Variants in XDH observed in about 807,000 individuals in gnomAD.
XDH encodes xanthine dehydrogenase/oxidase.
In XDH, 138 loss-of-function variants were observed where a neutral mutation model predicts 156.1. The observed-to-expected ratio is 0.88, with a 90% CI of 0.77 to 1.02. The LOEUF (loss-of-function observed/expected upper bound fraction) is 1.02. Among genes scored for constraint, XDH ranks in the 50% least tolerant of loss-of-function variants. The probability of loss-of-function intolerance (pLI) is 0.00; values close to 1 mark genes in which losing one functional copy is unlikely to be tolerated. For missense variants in XDH, 1,849 were observed against 1,684.9 expected (o/e 1.10, Z -1.71); for synonymous variants, 669 against 625.7 (o/e 1.07, Z -1.03).
At chr2:31,413,972 G>A (rs1291214135) in intron 1 of XDH, among the ~76,000 whole-genome samples, 2 of 152,040 alleles carry the variant, frequency 1.3e-5, no homozygotes. Flanking sequence ...GTACCAATAA[G>A]GTAAATTCAA....
chr2:31,386,788 A>G (rs1686608966), intron 8 of XDH, among the ~76,000 whole-genome samples: 1 of 152,034 alleles, frequency 6.6e-6, no homozygotes, highest in Non-Finnish European at 1.5e-5. Context: ...GTGAAAGAAG[A>G]TCCTGAGGGT....
chr2:31,413,928 G>A (rs977532875), intron 1 of XDH, among the ~76,000 whole-genome samples: 19 of 152,172 alleles, frequency 1.2e-4, no homozygotes, highest in African/African-American at 4.3e-4. Flanking sequence ...TTGTCCAAGG[G>A]CTGGTACCCA....
intron 6 of XDH, among the ~76,000 whole-genome samples, chr2:31,393,639 T>A (rs1328953143): frequency 6.6e-6 from 1 of 152,134 alleles, no homozygotes; most frequent in Non-Finnish European, 1.5e-5. Flanking sequence ...ATAGTTGGAT[T>A]AGTATCTACC....
At chr2:31,337,053 C>T (rs1262453989) in intron 35 of XDH, among the ~76,000 whole-genome samples, 3 of 151,736 alleles carry the variant, frequency 2.0e-5, no homozygotes, top group East Asian at 3.9e-4. Context: ...CCAATGACTA[C>T]GGAATTCTTC....
chr2:31,339,656 C>T lies in XDH; in HGVS notation c.3607G>A (p.Gly1203Ser). The change falls in exon 34 of 36, where the codon GGC (glycine) becomes AGC (serine). Residue 1203 changes from glycine (G) to serine (S), a missense_variant. By Grantham distance (56) the Gly-to-Ser change is moderately conservative. Coordinates refer to ENST00000379416, the MANE Select transcript of XDH (RefSeq NM_000379.4). ...IGQVEGAFVQ[G>S]LGLFTLEELH... ...TCCTCTAGGGTGAAGAGGCCAAGGC[C>T]CTGGACAAATGCCCCTTCCACCTGC... is the stretch of plus-strand genomic sequence containing the variant. 6.2e-7 allele frequency: 1 copy of T among 1,614,116 alleles called. No individual in the cohort carries two copies.
At chr2:31,410,407 A>T (rs185249013) in intron 1 of XDH, among the ~76,000 whole-genome samples, 3 of 152,352 alleles carry the variant, frequency 2.0e-5, no homozygotes, top group African/African-American at 2.4e-5. Flanking sequence ...AAAATTATTT[A>T]AAAAAAGAAT....
Position 31,381,632 on chromosome 2 carries a change from C to T in XDH, c.1132+1G>A. 1.2e-6 allele frequency: 2 copies of T among 1,614,082 alleles called. No homozygotes were observed. The highest frequency in any genetic ancestry group is 1.7e-6 in the Non-Finnish European group (2 of 1,180,004). On this transcript the variant is annotated splice_donor_variant, in intron 12 of 35. Coordinates refer to ENST00000379416, the MANE Select transcript of XDH (RefSeq NM_000379.4). LOFTEE classifies it high-confidence loss of function. Reference sequence around the variant, plus strand: ...CTGGACCTCTGCTTCAGGCAGCTCACCTCTGGACACAAGTGTCAGCTTGGC... The same window carrying T: ...CTGGACCTCTGCTTCAGGCAGCTCATCTCTGGACACAAGTGTCAGCTTGGC...
At chr2:31,394,191 T>G (rs1686844758) in intron 6 of XDH, among the ~76,000 whole-genome samples, 1 of 152,174 alleles carries the variant, frequency 6.6e-6, no homozygotes, top group Non-Finnish European at 1.5e-5. Context: ...AAGAACTTCT[T>G]TTAATATTTC....
intron 8 of XDH, among the ~76,000 whole-genome samples, chr2:31,387,048 T>G (rs1366235194): frequency 5.0e-4 from 65 of 128,750 alleles, no homozygotes; most frequent in African/African-American, 8.3e-4. Flanking sequence ...AGGAAGGAGT[T>G]TGTTATAAGG....
At chr2:31,380,753 C>T (rs45602846) in intron 12 of XDH, among the ~76,000 whole-genome samples, 87 of 152,248 alleles carry the variant, frequency 5.7e-4, no homozygotes, top group African/African-American at 1.8e-3. Context: ...AGGAATATGA[C>T]GGCATGCTGA....
At chr2:31,369,393 G>T (rs1352400378) in intron 18 of XDH, among the ~76,000 whole-genome samples, 1 of 152,104 alleles carries the variant, frequency 6.6e-6, no homozygotes, top group Non-Finnish European at 1.5e-5. Context: ...AAGCTTAATG[G>T]ATCTCCTTCA....
intron 13 of XDH, 26 bp downstream of exon 13, chr2:31,379,841 G>C: frequency 6.2e-7 from 1 of 1,608,460 alleles, no homozygotes; most frequent in African/African-American, 1.3e-5. Flanking sequence ...TTTGAGCAGA[G>C]CCTGGAACCA....
At chr2:31,391,187 G>A (rs573689573) in intron 6 of XDH, among the ~76,000 whole-genome samples, 77 of 152,086 alleles carry the variant, frequency 5.1e-4, no homozygotes, top group African/African-American at 1.8e-3. Flanking sequence ...TTTTTTGTAT[G>A]TGAATGTCCA....
intron 28 of XDH, 30 bp downstream of exon 28, chr2:31,348,238 G>C: frequency 6.2e-7 from 1 of 1,607,800 alleles, no homozygotes; most frequent in Non-Finnish European, 8.5e-7. Context: ...TCTAACAACG[G>C]ACACAACACT....
In XDH at chr2:31,407,865, A is replaced by T. The variant is rs185556472; in HGVS notation, c.43-1901T>A. Reference sequence around the variant, plus strand: ...TAATTTTCTTATGTGATTACACCCCATGAGTCCAGCTTATTCAATATCCTG... The same window carrying T: ...TAATTTTCTTATGTGATTACACCCCTTGAGTCCAGCTTATTCAATATCCTG... On this transcript the variant is annotated intron_variant, in intron 1 of 35. Transcript: ENST00000379416. Among the ~76,000 whole-genome samples, 32 of 152,344 alleles carry T rather than the reference A, an allele frequency of 2.1e-4. No homozygotes were observed. In the East Asian group the frequency reaches 5.8e-3, roughly 28 times the overall value.
At chr2:31,397,764 A>C in intron 5 of XDH, 35 bp from the exon 6 acceptor site, 1 of 1,613,548 alleles carries the variant, frequency 6.2e-7, no homozygotes, top group East Asian at 2.2e-5. Context: ...ATGTCAGTGC[A>C]GGGCCCTGGG....
In XDH at chr2:31,368,565, T is replaced by C; in HGVS notation, c.2076A>G (p.Glu692=). Residue 692 remains glutamate, a synonymous_variant, in exon 19 of 36, where the codon GAA becomes GAG. Coordinates refer to ENST00000379416, the MANE Select transcript of XDH (RefSeq NM_000379.4). ...AAQGVKITYE[E]LPAIITIEDA... Reference sequence around the variant, plus strand: ...CCTCAATTGTGATAATGGCTGGTAGTTCTTCATAGGTGATTTTCACCCCTT... The same window carrying C: ...CCTCAATTGTGATAATGGCTGGTAGCTCTTCATAGGTGATTTTCACCCCTT... 1.9e-6 allele frequency: 3 copies of C among 1,614,176 alleles called. No individual in the cohort carries two copies. The highest frequency in any genetic ancestry group is 2.2e-5 in the South Asian group (2 of 91,074).
intron 1 of XDH, 122 bp downstream of exon 1, chr2:31,414,503 G>A: frequency 1.4e-6 from 2 of 1,410,654 alleles, no homozygotes; most frequent in Admixed American, 1.7e-5. Context: ...AAGCGAGAGA[G>A]AGAAAGACAG....
Position 31,386,490 on chromosome 2 carries a change from G to A in XDH, c.717C>T (p.Ala239=), listed in dbSNP as rs763393500. The change falls in exon 9 of 36, where the codon GCC becomes GCT. Residue 239 remains alanine (A), a synonymous_variant. Transcript: ENST00000379416. The part of the protein sequence containing the change: ...FEGERVTWIQ[A]STLKELLDLK... The stretch of plus-strand genomic sequence containing the variant: ...GGTCCAGCAGCTCCTTGAGGGTTGA[G>A]GCCTGTATCCACGTCACACGCTCCC... The A allele has an allele frequency of 6.2e-7, 1 of 1,614,148 alleles. No individual in the cohort carries two copies. The highest frequency in any genetic ancestry group is 8.5e-7 in the Non-Finnish European group (1 of 1,180,028).
Sources: gnomAD v4.1 joint callset for allele counts (sites outside exome capture counted in the v4.1 genomes callset) on GRCh38, gnomAD v4.1.1 for gene constraint, MANE v1.5 for transcripts, NCBI Gene and HGNC (gene_info 2026-07-23, HGNC 2026-07-21) for gene names.